The following ADCY5 variants were observed in gnomAD, a reference collection of about 807,000 sequenced individuals.
The protein encoded by ADCY5 is adenylate cyclase type 5.
In ADCY5, 30 loss-of-function variants were observed where a neutral mutation model predicts 119.7. The ratio of observed to expected loss-of-function variants is 0.25; its 90% CI spans 0.19 to 0.34. The LOEUF is 0.34. ADCY5 is among the 10% of genes least tolerant of loss of function. The pLI, the probability that ADCY5 is intolerant of heterozygous loss-of-function variation, is 1.00. For missense variants in ADCY5, 1,324 were observed against 1,775.2 expected, an observed-to-expected ratio of 0.75 and a Z score of 4.57; for synonymous variants, 753 against 762.2, an observed-to-expected ratio of 0.99 and a Z score of 0.20.
chr3:123,305,756 G>T (rs1940163705), intron 12 of ADCY5, among the ~76,000 whole-genome samples: 1 of 152,234 alleles, frequency 6.6e-6, no homozygotes, highest in Non-Finnish European at 1.5e-5. Context: ...GGCTGGCTGT[G>T]TGCATAGGGA....
In ADCY5 at chr3:123,439,076, C is replaced by CTTTTTTTTTTT. The variant is rs57503913; in HGVS notation, c.1134+8335_1134+8336insAAAAAAAAAAA. ...CCCACTGTGCCCAGACCCTAAAGTG[C>CTTTTTTTTTTT]TTTTTTTTTTGAGATGGAGTCTCGC... On this transcript the variant is annotated intron_variant, in intron 1 of 20. Coordinates refer to ENST00000462833, the MANE Select transcript of ADCY5 (RefSeq NM_183357.3). Among the ~76,000 whole-genome samples, 4 of 64,728 alleles carry CTTTTTTTTTTT rather than the reference C, an allele frequency of 6.2e-5. 2 individuals are homozygous for CTTTTTTTTTTT. The highest frequency in any genetic ancestry group is 1.5e-3 in the South Asian group (2 of 1,362). The allele number at this position is 64,728 out of a possible 152,430, so 42.5% of individuals were successfully genotyped here. A position where few individuals can be genotyped will look rare whatever the true frequency, so the allele number is the denominator to read the frequency against.
chr3:123,328,806 G>T lies in ADCY5; in HGVS notation c.1647-4C>A. 1 of 1,614,084 alleles carries T rather than the reference G, an allele frequency of 6.2e-7. No homozygotes were observed. The highest frequency in any genetic ancestry group is 8.5e-7 in the Non-Finnish European group (1 of 1,179,976). On this transcript the variant is annotated splice_polypyrimidine_tract_variant and splice_region_variant and intron_variant, in intron 5 of 20. Transcript: ENST00000462833. Reference sequence around the variant, plus strand: ...CCCTGTCACCTCCCGGACCAACCTGGGGATGGAGCAGGAGTAAAGCTGGGA... The same window carrying T: ...CCCTGTCACCTCCCGGACCAACCTGTGGATGGAGCAGGAGTAAAGCTGGGA...
chr3:123,426,574 G>C (rs1441477519), intron 1 of ADCY5, among the ~76,000 whole-genome samples: 1 of 152,092 alleles, frequency 6.6e-6, no homozygotes, highest in Non-Finnish European at 1.5e-5. Flanking sequence ...CAGGTGATCT[G>C]CCCATCTCAG....
At chr3:123,333,259 ACT>A (rs1360863354) in intron 3 of ADCY5, among the ~76,000 whole-genome samples, 1 of 152,146 alleles carries the variant, frequency 6.6e-6, no homozygotes, top group African/African-American at 2.4e-5. Flanking sequence ...CCCTTGCCAG[ACT>A]CTGATCATGC....
rs762247893 is a variant in ADCY5 at position 123,286,835 on chromosome 3, G to A, written c.3533-26C>T. On this transcript the variant is annotated intron_variant, in intron 19 of 20. Transcript: ENST00000462833. The surrounding 1 kb of genome is among the most constrained non-coding windows in gnomAD (Gnocchi z 4.2). ...CTGCAGGGGACAGGAATCAGCCACAGTCATCACATCTCTGGCTTGACCTTG... is the reference window on the plus strand; with the variant it reads ...CTGCAGGGGACAGGAATCAGCCACAATCATCACATCTCTGGCTTGACCTTG... The A allele has an allele frequency of 1.0e-5, 16 of 1,571,148 alleles. No individual in the cohort carries two copies. The Admixed American group carries it at 2.1e-4, about 20-fold the overall frequency.
chr3:123,428,188 C>T (rs868055706), intron 1 of ADCY5, among the ~76,000 whole-genome samples: 2 of 152,136 alleles, frequency 1.3e-5, no homozygotes, highest in Non-Finnish European at 2.9e-5. Flanking sequence ...GAGTACAGTC[C>T]CTTCTTATTT....
At chr3:123,351,517 G>C (rs940438309) in intron 2 of ADCY5, among the ~76,000 whole-genome samples, 4 of 152,188 alleles carry the variant, frequency 2.6e-5, no homozygotes, top group African/African-American at 9.7e-5. Flanking sequence ...TGGGGAGATG[G>C]TAATCTAAGA....
intron 11 of ADCY5, among the ~76,000 whole-genome samples, chr3:123,314,943 A>C (rs1448209552): frequency 6.6e-6 from 1 of 152,054 alleles, no homozygotes; most frequent in Non-Finnish European, 1.5e-5. Flanking sequence ...ATTCCTAGCC[A>C]GTTCAACAAG....
intron 3 of ADCY5, among the ~76,000 whole-genome samples, chr3:123,342,674 G>A (rs2108456672): frequency 6.6e-6 from 1 of 152,198 alleles, no homozygotes; most frequent in East Asian, 1.9e-4. Context: ...ACAAAGAAGA[G>A]TCTGGAATGA....
chr3:123,364,353 T>C (rs776900464), intron 1 of ADCY5, among the ~76,000 whole-genome samples: 35 of 152,050 alleles, frequency 2.3e-4, no homozygotes, highest in Non-Finnish European at 4.7e-4. Context: ...ATAAGTCAAA[T>C]GGGAAAAGAG....
intron 8 of ADCY5, among the ~76,000 whole-genome samples, chr3:123,324,245 C>T (rs1941360317): frequency 6.6e-6 from 1 of 152,182 alleles, no homozygotes; most frequent in Non-Finnish European, 1.5e-5. Context: ...ATGTCCCCTT[C>T]TCCAGGCTCC....
chr3:123,426,061 C>T (rs1945401105), intron 1 of ADCY5, among the ~76,000 whole-genome samples: 1 of 152,152 alleles, frequency 6.6e-6, no homozygotes, highest in South Asian at 2.1e-4. Context: ...TTGTACAGTC[C>T]CTGTGCTAAG....
rs113301167 is a variant in ADCY5 at position 123,385,917 on chromosome 3, C to T, written c.1135-33336G>A. On this transcript the variant is annotated intron_variant, in intron 1 of 20. Transcript: ENST00000462833. ...CATCACCCTGTATCTAATCCCAAGA[C>T]GGCTCTCCAGGGTAGGTGCTCTTAT... Among the ~76,000 whole-genome samples the T allele has an allele frequency of 3.0e-3, 459 of 152,264 alleles. 2 individuals carry two copies. The highest frequency in any genetic ancestry group is 0.011 in the African/African-American group (441 of 41,542).
intron 1 of ADCY5, among the ~76,000 whole-genome samples, chr3:123,429,097 T>A (rs1195771281): frequency 6.6e-6 from 1 of 152,252 alleles, no homozygotes; most frequent in Non-Finnish European, 1.5e-5. Context: ...GCACCATGCC[T>A]GACACTCTGC....
chr3:123,358,845 A>G (rs770791055), intron 1 of ADCY5, among the ~76,000 whole-genome samples: 4 of 152,180 alleles, frequency 2.6e-5, no homozygotes, highest in Non-Finnish European at 5.9e-5. Context: ...TTGAGCCAAG[A>G]GTGGGAAGTT....
At chr3:123,392,440 G>C (rs933458848) in intron 1 of ADCY5, among the ~76,000 whole-genome samples, 1 of 152,024 alleles carries the variant, frequency 6.6e-6, no homozygotes, top group South Asian at 2.1e-4. Context: ...AGATGGGCTC[G>C]GTCTGCAGGC....
intron 19 of ADCY5, 41 bp downstream of exon 19, chr3:123,289,709 G>C: frequency 1.0e-5 from 16 of 1,604,926 alleles, no homozygotes; most frequent in Non-Finnish European, 1.4e-5. Context: ...CCCTCTGCCT[G>C]ACTGCACCCT....
chr3:123,398,637 C>G (rs1428607089), intron 1 of ADCY5, among the ~76,000 whole-genome samples: 5 of 152,152 alleles, frequency 3.3e-5, no homozygotes, highest in Non-Finnish European at 7.3e-5. Context: ...TATTTCTACC[C>G]CTACACACAC....
chr3:123,314,518 T>C (rs1268527994), intron 11 of ADCY5, among the ~76,000 whole-genome samples, 196 bp from the exon 12 acceptor site: 2 of 152,210 alleles, frequency 1.3e-5, no homozygotes, highest in Non-Finnish European at 2.9e-5. Context: ...CCTTTTGCAC[T>C]GACTCCCTGA....
Sources: gnomAD v4.1 joint callset for allele counts (sites outside exome capture counted in the v4.1 genomes callset) on GRCh38, gnomAD v4.1.1 for gene constraint, Gnocchi (gnomAD v3.1) non-coding constraint, MANE v1.5 for transcripts, NCBI Gene and HGNC (gene_info 2026-07-23, HGNC 2026-07-21) for gene names.